ZBTB11: variants seen among roughly 807,000 people sequenced by gnomAD.
ZBTB11 encodes the protein zinc finger and BTB domain containing 11.
Under a neutral mutation model 113.1 loss-of-function variants are expected in ZBTB11, and 68 were observed. The ratio of observed to expected loss-of-function variants is 0.60; its 90% CI spans 0.49 to 0.74. The LOEUF is 0.74. Among genes scored for constraint, ZBTB11 ranks in the 30% least tolerant of loss-of-function variants. The probability of loss-of-function intolerance (pLI) is 0.00; values close to 1 mark genes in which losing one functional copy is unlikely to be tolerated. For missense variants in ZBTB11, 1,104 were observed against 1,279.4 expected, an observed-to-expected ratio of 0.86 and a Z score of 2.09; for synonymous variants, 518 against 452.6, an observed-to-expected ratio of 1.14 and a Z score of -1.83.
At chr3:101,651,989 C>T (rs1399309664) in intron 10 of ZBTB11, among the ~76,000 whole-genome samples, 3 of 152,028 alleles carry the variant, frequency 2.0e-5, no homozygotes, top group South Asian at 2.1e-4. Flanking sequence ...ATTAGCCCAG[C>T]GTGGTGGCGG....
At chr3:101,664,918 C>T in intron 4 of ZBTB11, 46 bp downstream of exon 4, 1 of 1,556,960 alleles carries the variant, frequency 6.4e-7, no homozygotes, top group African/African-American at 1.4e-5. Context: ...ACAATGCTTT[C>T]AACCTAAAGC....
At chr3:101,651,849 C>G (rs1339645221) in intron 10 of ZBTB11, among the ~76,000 whole-genome samples, 166 bp from the exon 11 acceptor site, 1 of 152,116 alleles carries the variant, frequency 6.6e-6, no homozygotes, top group East Asian at 1.9e-4. Context: ...AAAGAAGATT[C>G]TTTGCCGGGC....
In ZBTB11 at chr3:101,665,209, T is replaced by C; in HGVS notation, c.1378A>G (p.Ile460Val). The C allele has an allele frequency of 3.7e-6, 6 of 1,614,242 alleles. No homozygotes were observed. The highest frequency in any genetic ancestry group is 3.3e-5 in the South Asian group (3 of 91,086). The part of the protein sequence containing the change: ...SPEDSGMGND[I>V]SAEDICAEDI... ...TCGGCACAAATATCCTCAGCTGATA[T>C]ATCATTTCCCATACCACTATCCTCT... The change falls in exon 4 of 11, where the codon ATA becomes GTA. Residue 460 changes from isoleucine to valine, a missense_variant. Around this residue, in one of 5 missense-constraint regions of ZBTB11, gnomAD observed 535 missense variants for 518.6 expected, o/e 1.03. Coordinates refer to ENST00000312938, the MANE Select transcript of ZBTB11 (RefSeq NM_014415.4).
At position 101,665,492 on chromosome 3, in the gene ZBTB11, T is replaced by A. The variant is rs570837598; in HGVS notation, c.1095A>T (p.Leu365=). 1.5e-5 allele frequency: 24 copies of A among 1,614,064 alleles called. No homozygotes were observed. The African/African-American group carries it at 2.3e-4, about 15-fold the overall frequency. The change falls in exon 4 of 11, where the codon CTA becomes CTT. Residue 365 remains leucine, a synonymous_variant. Coordinates refer to ENST00000312938, the MANE Select transcript of ZBTB11 (RefSeq NM_014415.4). ...PTELGDCEIV[L]LVNGELPEAE... The stretch of plus-strand genomic sequence containing the variant: ...CTTCTGGCAATTCTCCATTTACCAG[T>A]AGTACAATTTCACAATCCCCAAGTT...
intron 3 of ZBTB11, among the ~76,000 whole-genome samples, chr3:101,669,851 G>A (rs183907355): frequency 1.4e-4 from 21 of 148,630 alleles, no homozygotes; most frequent in Non-Finnish European, 2.5e-4. Flanking sequence ...TTTTTGAGAC[G>A]GAGTTTTGCT....
Position 101,651,261 on chromosome 3 carries a change from C to T in ZBTB11, c.3067G>A (p.Val1023Ile). Residue 1023 changes from valine to isoleucine, a missense_variant, in exon 11 of 11, where the codon GTA (valine) becomes ATA (isoleucine). This residue lies in a region of ZBTB11 where 90 missense variants were observed against 98.0 expected (regional missense o/e 0.92). Coordinates refer to ENST00000312938, the MANE Select transcript of ZBTB11 (RefSeq NM_014415.4). ...TTCTGTCCTTGCTGTTGTGCTAATA[C>T]ATAATTAACCACTTGCATAATACTT... ...DQSIMQVVNYVLAQQQGQKLS... is the reference protein window; with the variant it reads ...DQSIMQVVNYILAQQQGQKLS... 2 of 1,614,140 alleles carry T rather than the reference C, an allele frequency of 1.2e-6. No homozygotes were observed. Among genetic ancestry groups the T allele is most frequent in the Non-Finnish European group, 1.7e-6 (2 of 1,180,018 alleles).
chr3:101,664,464 G>A (rs1936944890), intron 5 of ZBTB11, 74 bp downstream of exon 5: 2 of 1,411,078 alleles, frequency 1.4e-6, no homozygotes, highest in Non-Finnish European at 1.9e-6. Flanking sequence ...CAAGCGAAAA[G>A]ATAACCATGC....
rs745421992 is a variant in ZBTB11 at position 101,665,541 on chromosome 3, C to T, written c.1046G>A (p.Gly349Glu). The change falls in exon 4 of 11, where the codon GGA becomes GAA. Residue 349 changes from glycine (G) to glutamate (E), a missense_variant. Physicochemically the swap from Gly to Glu is moderately conservative, Grantham distance 98. Coordinates refer to ENST00000312938, the MANE Select transcript of ZBTB11 (RefSeq NM_014415.4). ...GTAPPVASSE[G>E]TTTSLPTELG... ...TTCAGTAGGTAAACTTGTTGTGGTT[C>T]CCTCACTGCTAGCAACAGGAGGTGC... 2 of 1,614,196 alleles carry T rather than the reference C, an allele frequency of 1.2e-6. No individual in the cohort carries two copies. Among genetic ancestry groups the T allele is most frequent in the East Asian group, 2.2e-5 (1 of 44,888 alleles).
chr3:101,670,998 G>T (rs1420523433), intron 3 of ZBTB11, 132 bp downstream of exon 3: 4 of 709,240 alleles, frequency 5.6e-6, no homozygotes, highest in Non-Finnish European at 9.5e-6. Flanking sequence ...AACCTTTTCA[G>T]TACAGCTTAG....
chr3:101,665,924 A>C, intron 3 of ZBTB11, 116 bp from the exon 4 acceptor site: 1 of 1,052,026 alleles, frequency 9.5e-7, no homozygotes, highest in South Asian at 1.7e-5. Flanking sequence ...TTCTGCAACT[A>C]ATCATCCCTG....
At chr3:101,653,055 G>C in intron 8 of ZBTB11, 117 bp from the exon 9 acceptor site, 1 of 1,105,394 alleles carries the variant, frequency 9.0e-7, no homozygotes, top group East Asian at 2.5e-5. Flanking sequence ...CAACTTAAAA[G>C]AATTCCCTAA....
At chr3:101,668,699 A>G (rs1937035945) in intron 3 of ZBTB11, among the ~76,000 whole-genome samples, 1 of 152,062 alleles carries the variant, frequency 6.6e-6, no homozygotes, top group Admixed American at 6.6e-5. Context: ...TGATAGGTAT[A>G]TCCTAATTAC....
chr3:101,668,412 G>T (rs1937031064), intron 3 of ZBTB11, among the ~76,000 whole-genome samples: 1 of 152,066 alleles, frequency 6.6e-6, no homozygotes, highest in Admixed American at 6.6e-5. Flanking sequence ...GAGGCAGGAG[G>T]AGTCCAGGAG....
Position 101,676,928 on chromosome 3 carries a change from TC to T in ZBTB11, c.-15del. On this transcript the variant is annotated 5_prime_UTR_variant, in exon 1 of 11. Coordinates refer to ENST00000312938, the MANE Select transcript of ZBTB11 (RefSeq NM_014415.4). Reference sequence around the variant, plus strand: ...CTCGCTTGACATCGCGGACCGCGGCTCCCTGAGGGCGCCTGTCAGGGACAGG... The same window carrying T: ...CTCGCTTGACATCGCGGACCGCGGCTCCTGAGGGCGCCTGTCAGGGACAGG... The T allele has an allele frequency of 6.5e-7, 1 of 1,549,464 alleles. No homozygotes were observed.
chr3:101,676,085 G>C (rs1345581029), intron 1 of ZBTB11, among the ~76,000 whole-genome samples: 1 of 152,216 alleles, frequency 6.6e-6, no homozygotes, highest in Non-Finnish European at 1.5e-5. Context: ...ACGCAGCAGC[G>C]GCAAAATTTG....
intron 3 of ZBTB11, among the ~76,000 whole-genome samples, chr3:101,669,254 G>C (rs1049626877): frequency 6.6e-6 from 1 of 152,192 alleles, no homozygotes; most frequent in Non-Finnish European, 1.5e-5. Context: ...GGATGGTCTC[G>C]AACTTCTGAG....
rs1298739367 is a variant in ZBTB11 at position 101,654,654 on chromosome 3, A to G, written c.2309+50T>C. The G allele has an allele frequency of 3.4e-6, 5 of 1,478,222 alleles. No homozygotes were observed. In the South Asian group the frequency reaches 5.9e-5, roughly 18 times the overall value. 91.6% of individuals were successfully genotyped at this position (1,478,222 alleles called of 1,614,324 possible). A position where few individuals can be genotyped will look rare whatever the true frequency, so the allele number is the denominator to read the frequency against. Reference sequence around the variant, plus strand: ...TCTTCAAATATTTTTTTGAAAACTGAGTAAAAACATAATTAAATTAACTGA... The same window carrying G: ...TCTTCAAATATTTTTTTGAAAACTGGGTAAAAACATAATTAAATTAACTGA... On this transcript the variant is annotated intron_variant, in intron 8 of 10. Coordinates refer to ENST00000312938, the MANE Select transcript of ZBTB11 (RefSeq NM_014415.4).
chr3:101,674,962 C>T (rs1403846287), intron 1 of ZBTB11, among the ~76,000 whole-genome samples: 1 of 152,080 alleles, frequency 6.6e-6, no homozygotes, highest in Admixed American at 6.6e-5. Context: ...ATCTGTAAAA[C>T]AGATAGAGGC....
intron 5 of ZBTB11, among the ~76,000 whole-genome samples, chr3:101,663,388 A>C (rs1226912230): frequency 2.0e-5 from 3 of 152,114 alleles, no homozygotes; most frequent in Non-Finnish European, 4.4e-5. Flanking sequence ...GTTTTTCTTG[A>C]AATCTTTTGT....
Sources: gnomAD v4.1 joint callset for allele counts (sites outside exome capture counted in the v4.1 genomes callset) on GRCh38, gnomAD v4.1.1 for gene constraint, gnomAD v4.1.1 regional missense constraint, MANE v1.5 for transcripts, NCBI Gene and HGNC (gene_info 2026-07-23, HGNC 2026-07-21) for gene names.